The following JPH1 variants were observed in gnomAD, a reference collection of about 807,000 sequenced individuals.
The protein encoded by JPH1 is junctophilin 1, also known as junctophilin-1.
JPH1 carries 12 observed loss-of-function variants against 53.6 expected under a neutral mutation model. The ratio of observed to expected loss-of-function variants is 0.22; its 90% CI spans 0.14 to 0.36. The LOEUF (loss-of-function observed/expected upper bound fraction) is 0.36. Ranked by LOEUF, JPH1 falls within the 10% of genes least tolerant of loss-of-function variation. JPH1 has a pLI of 1.00. For missense variants in JPH1, 808 were observed against 905.5 expected, an observed-to-expected ratio of 0.89 and a Z score of 1.38; for synonymous variants, 375 against 363.8, an observed-to-expected ratio of 1.03 and a Z score of -0.35.
At chr8:74,278,131 T>C (rs533838995) in intron 2 of JPH1, among the ~76,000 whole-genome samples, 1 of 152,310 alleles carries the variant, frequency 6.6e-6, no homozygotes, top group African/African-American at 2.4e-5. Flanking sequence ...GGGAGGGACC[T>C]GGTGGGAGGT....
chr8:74,253,190 A>G (rs1484638177), intron 3 of JPH1, among the ~76,000 whole-genome samples: 1 of 152,048 alleles, frequency 6.6e-6, no homozygotes, highest in African/African-American at 2.4e-5. Flanking sequence ...ATAACAAACT[A>G]TCTCTCAGAC....
At chr8:74,276,189 G>A (rs374065665) in intron 2 of JPH1, among the ~76,000 whole-genome samples, 1 of 152,268 alleles carries the variant, frequency 6.6e-6, no homozygotes, top group South Asian at 2.1e-4. Context: ...AACCATAGGT[G>A]TTGGGAGCTG....
intron 2 of JPH1, among the ~76,000 whole-genome samples, chr8:74,276,307 A>C (rs952350485): frequency 1.3e-5 from 2 of 152,166 alleles, no homozygotes; most frequent in Non-Finnish European, 2.9e-5. Flanking sequence ...CATCCTGAAC[A>C]ACAGGTTGAT....
chr8:74,312,260 TG>T (rs1168908968), intron 2 of JPH1, among the ~76,000 whole-genome samples: 2 of 152,178 alleles, frequency 1.3e-5, no homozygotes, highest in Non-Finnish European at 2.9e-5. Context: ...ATTCTTTTTT[TG>T]TTTTTTTTGA....
intron 4 of JPH1, among the ~76,000 whole-genome samples, chr8:74,242,690 C>T (rs536451089): frequency 5.3e-5 from 8 of 152,288 alleles, no homozygotes; most frequent in South Asian, 4.1e-4. Context: ...AGAATCTTCG[C>T]GTGAAGGTGT....
chr8:74,247,124 G>A (rs537072063), intron 3 of JPH1, among the ~76,000 whole-genome samples: 1 of 152,276 alleles, frequency 6.6e-6, no homozygotes, highest in East Asian at 1.9e-4. Flanking sequence ...ATACTAGTCT[G>A]TCATGGAGAA....
At chr8:74,259,276 G>T in intron 3 of JPH1, 109 bp downstream of exon 3, 2 of 845,798 alleles carry the variant, frequency 2.4e-6, no homozygotes, top group Non-Finnish European at 3.8e-6. Context: ...TTGTATAATA[G>T]TACTGCTGGG....
At chr8:74,264,868 T>C (rs775746459) in intron 2 of JPH1, among the ~76,000 whole-genome samples, 17 of 152,202 alleles carry the variant, frequency 1.1e-4, no homozygotes, top group Admixed American at 2.0e-4. Context: ...ACACTCCTTC[T>C]TACAGTCTGG....
intron 4 of JPH1, among the ~76,000 whole-genome samples, chr8:74,240,886 T>C (rs1805674153): frequency 6.6e-6 from 1 of 152,216 alleles, no homozygotes; most frequent in Non-Finnish European, 1.5e-5. Flanking sequence ...TGAATTTATC[T>C]AACCCCTTTG....
intron 2 of JPH1, among the ~76,000 whole-genome samples, chr8:74,291,796 A>G (rs965005590): frequency 1.1e-4 from 17 of 152,312 alleles, no homozygotes; most frequent in African/African-American, 4.1e-4. Flanking sequence ...TCAATGATAG[A>G]CTGGATTAAG....
At chr8:74,254,140 C>T (rs1806148731) in intron 3 of JPH1, among the ~76,000 whole-genome samples, 1 of 152,014 alleles carries the variant, frequency 6.6e-6, no homozygotes, top group Non-Finnish European at 1.5e-5. Flanking sequence ...TGCAAAAATC[C>T]TCAATAAAAT....
At position 74,275,996 on chromosome 8, in the gene JPH1, T is replaced by C. The variant is rs201888115; in HGVS notation, c.1140-16493A>G. 2.0e-5 allele frequency among the ~76,000 whole-genome samples: 3 copies of C among 152,234 alleles called. No individual in the cohort carries two copies. The East Asian group carries it at 5.8e-4, about 29-fold the overall frequency. The stretch of plus-strand genomic sequence containing the variant: ...ATGGTTCGAATTTGATTATATTGTA[T>C]GCTTCCCTGTAATATTATCAACTAG... On this transcript the variant is annotated intron_variant, in intron 2 of 5. Transcript: ENST00000342232.
intron 2 of JPH1, among the ~76,000 whole-genome samples, chr8:74,274,630 G>A (rs879363800): frequency 3.9e-5 from 6 of 152,104 alleles, no homozygotes; most frequent in Non-Finnish European, 8.8e-5. Flanking sequence ...GCTTCGAGAA[G>A]AAAAATAGGT....
At chr8:74,248,978 C>T (rs1029761559) in intron 3 of JPH1, among the ~76,000 whole-genome samples, 1 of 152,146 alleles carries the variant, frequency 6.6e-6, no homozygotes, top group African/African-American at 2.4e-5. Flanking sequence ...GGATTTTCTC[C>T]CCCTGGAGAC....
At chr8:74,311,185 A>G (rs1054811185) in intron 2 of JPH1, among the ~76,000 whole-genome samples, 3 of 152,242 alleles carry the variant, frequency 2.0e-5, no homozygotes, top group Middle Eastern at 3.2e-3. Flanking sequence ...GTTGATAACT[A>G]TTCATTGATC....
chr8:74,297,732 C>T (rs79346716), intron 2 of JPH1, among the ~76,000 whole-genome samples: 14,035 of 152,134 alleles, frequency 0.092, 792 homozygotes, highest in East Asian at 0.19. Context: ...TTTTCTAAGG[C>T]AAAGAAAGTT....
At chr8:74,298,109 A>G (rs1807573505) in intron 2 of JPH1, among the ~76,000 whole-genome samples, 1 of 152,160 alleles carries the variant, frequency 6.6e-6, no homozygotes, top group South Asian at 2.1e-4. Flanking sequence ...TGATGTATTC[A>G]TATCCTCGGG....
At chr8:74,259,336 A>G (rs757396713) in intron 3 of JPH1, 49 bp downstream of exon 3, 1 of 1,366,748 alleles carries the variant, frequency 7.3e-7, no homozygotes, top group East Asian at 2.4e-5. Flanking sequence ...AATAAAAGCA[A>G]GCCAAAGCCA....
intron 2 of JPH1, among the ~76,000 whole-genome samples, chr8:74,281,085 T>G (rs1364930565): frequency 6.6e-6 from 1 of 152,216 alleles, no homozygotes; most frequent in African/African-American, 2.4e-5. Context: ...TAAAATGTTA[T>G]GGGGAAATAT....
Sources: allele counts gnomAD v4.1 joint callset (sites outside exome capture counted in the v4.1 genomes callset), GRCh38; gene constraint gnomAD v4.1.1; transcripts MANE v1.5; gene names NCBI Gene and HGNC (gene_info 2026-07-23, HGNC 2026-07-21).